Variants in ADAMTSL1 observed in about 807,000 individuals in gnomAD.
ADAMTSL1 encodes ADAMTS-like protein 1.
ADAMTSL1 carries 126 observed loss-of-function variants against 201.8 expected under a neutral mutation model. The observed-to-expected ratio is 0.62, with a 90% CI of 0.54 to 0.72. The LOEUF is 0.72. ADAMTSL1 is among the 30% of genes least tolerant of loss of function. The pLI is 0.00. For missense variants in ADAMTSL1, 2,679 were observed against 2,277.8 expected (o/e 1.18, Z -3.59); for synonymous variants, 1,121 against 903.4 (o/e 1.24, Z -4.32).
intron 15 of ADAMTSL1, among the ~76,000 whole-genome samples, chr9:18,742,329 T>C (rs948683250): frequency 1.3e-5 from 2 of 152,228 alleles, no homozygotes; most frequent in African/African-American, 2.4e-5. Context: ...TATAGCCTGA[T>C]TGGATGAATG....
At chr9:18,574,822 A>C (rs530170077) in intron 4 of ADAMTSL1, among the ~76,000 whole-genome samples, 1 of 152,194 alleles carries the variant, frequency 6.6e-6, no homozygotes, top group East Asian at 1.9e-4. Flanking sequence ...CAGGATTACA[A>C]AAAGGTTTGA....
At chr9:18,144,457 C>T (rs367694036) in intron 1 of ADAMTSL1, among the ~76,000 whole-genome samples, 7 of 152,180 alleles carry the variant, frequency 4.6e-5, no homozygotes, top group Admixed American at 6.5e-5. Context: ...CCTCCCTCCT[C>T]GCCCTTCCAA....
chr9:18,832,354 G>A (rs189383431), intron 23 of ADAMTSL1, among the ~76,000 whole-genome samples: 1 of 152,200 alleles, frequency 6.6e-6, no homozygotes, highest in African/African-American at 2.4e-5. Flanking sequence ...TGGAGAGGAG[G>A]TTTTGTGTAG....
chr9:17,961,553 T>C (rs1209227100), intron 1 of ADAMTSL1, among the ~76,000 whole-genome samples: 1 of 152,162 alleles, frequency 6.6e-6, no homozygotes, highest in Non-Finnish European at 1.5e-5. Context: ...ACCAGGCCTA[T>C]TTTTAAGAGA....
chr9:18,058,806 C>A (rs1036597855), intron 1 of ADAMTSL1, among the ~76,000 whole-genome samples: 6 of 152,116 alleles, frequency 3.9e-5, no homozygotes, highest in South Asian at 2.1e-4. Context: ...GGATGTTTGC[C>A]TCTCATAAAT....
intron 2 of ADAMTSL1, among the ~76,000 whole-genome samples, chr9:18,468,298 C>T (rs1460942471): frequency 6.6e-6 from 1 of 152,174 alleles, no homozygotes; most frequent in Admixed American, 6.5e-5. Context: ...CAGTTCAATG[C>T]TCTGCAATGA....
chr9:18,132,703 CT>C (rs745894412), intron 1 of ADAMTSL1, among the ~76,000 whole-genome samples: 8 of 152,192 alleles, frequency 5.3e-5, no homozygotes, highest in Non-Finnish European at 8.8e-5. Flanking sequence ...CCATTGTACC[CT>C]TTTTCCCCCC....
At chr9:18,802,674 G>T (rs556686033) in intron 20 of ADAMTSL1, among the ~76,000 whole-genome samples, 2 of 152,120 alleles carry the variant, frequency 1.3e-5, no homozygotes, top group African/African-American at 4.8e-5. Context: ...GAAGATTCAC[G>T]TACATGTTTT....
intron 2 of ADAMTSL1, among the ~76,000 whole-genome samples, chr9:18,525,282 G>C (rs926837105): frequency 3.9e-5 from 6 of 152,118 alleles, no homozygotes; most frequent in African/African-American, 1.4e-4. Context: ...GGGATCAGTG[G>C]TGATATCCCC....
chr9:18,665,248 A>G (rs1829359276), intron 9 of ADAMTSL1, among the ~76,000 whole-genome samples: 2 of 152,116 alleles, frequency 1.3e-5, no homozygotes, highest in African/African-American at 4.8e-5. Context: ...AATCCCTGAT[A>G]TCCACTTTTT....
chr9:18,220,440 A>T (rs1281462603), intron 2 of ADAMTSL1, among the ~76,000 whole-genome samples: 1 of 152,114 alleles, frequency 6.6e-6, no homozygotes, highest in African/African-American at 2.4e-5. Context: ...TAGCTATACA[A>T]ACTTTTTATT....
At chr9:18,223,799 T>G (rs1830346452) in intron 2 of ADAMTSL1, among the ~76,000 whole-genome samples, 1 of 152,022 alleles carries the variant, frequency 6.6e-6, no homozygotes, top group Non-Finnish European at 1.5e-5. Flanking sequence ...TGTTTCTTTA[T>G]GGGACCAGTG....
intron 2 of ADAMTSL1, among the ~76,000 whole-genome samples, chr9:18,170,658 G>T (rs1827848695): frequency 1.3e-5 from 2 of 151,972 alleles, no homozygotes; most frequent in Admixed American, 1.3e-4. Context: ...AGAGGAAAGA[G>T]AAAGAAAAAG....
chr9:18,498,107 G>A (rs1464527126), intron 1 of ADAMTSL1, among the ~76,000 whole-genome samples: 1 of 151,798 alleles, frequency 6.6e-6, no homozygotes, highest in African/African-American at 2.4e-5. Flanking sequence ...GAAAAGGAAA[G>A]AAAGGTCAAA....
chr9:18,645,623 C>A (rs371101564), intron 7 of ADAMTSL1, among the ~76,000 whole-genome samples: 4 of 151,748 alleles, frequency 2.6e-5, no homozygotes, highest in Non-Finnish European at 5.9e-5. Context: ...CCAGTTTTCC[C>A]AGCACCATTT....
chr9:18,399,280 CATATATATATATATATATATAT>C (rs561622408), intron 2 of ADAMTSL1, among the ~76,000 whole-genome samples: 1,743 of 31,038 alleles, frequency 0.056, 165 homozygotes, highest in African/African-American at 0.16. Flanking sequence ...GTCTGCTTTA[CATATATATATATATATATATAT>C]ATATATATAT....
In ADAMTSL1 at chr9:18,777,485, T is replaced by G. The variant is rs1821117688; in HGVS notation, c.3256T>G (p.Ser1086Ala). Residue 1086 changes from serine to alanine, a missense_variant, in exon 19 of 29, where the codon TCC (serine) becomes GCC (alanine). Ser to Ala is a moderately conservative substitution (Grantham distance 99). Coordinates refer to ENST00000380548, the MANE Select transcript of ADAMTSL1 (RefSeq NM_001040272.6). ...CCTGGACGACATCCTGGGGAACCTCTCCCAGCAGCCCGAGGAGCTGCGCGA... is the reference window on the plus strand; with the variant it reads ...CCTGGACGACATCCTGGGGAACCTCGCCCAGCAGCCCGAGGAGCTGCGCGA... ...RRLDDILGNL[S>A]QQPEELRDLY... 1.3e-6 allele frequency: 2 copies of G among 1,594,096 alleles called. No individual in the cohort carries two copies. The highest frequency in any genetic ancestry group is 3.5e-5 in the Admixed American group (2 of 57,232).
chr9:17,973,535 G>C (rs185581218), intron 1 of ADAMTSL1, among the ~76,000 whole-genome samples: 32,388 of 88,568 alleles, frequency 0.37, 7,571 homozygotes, highest in East Asian at 0.86. Context: ...TCTCTGTTTT[G>C]GTACCAGTAC....
chr9:18,867,166 A>G (rs564268202), intron 23 of ADAMTSL1, among the ~76,000 whole-genome samples: 1 of 152,266 alleles, frequency 6.6e-6, no homozygotes, highest in Admixed American at 6.5e-5. Flanking sequence ...ATTCTGCCAC[A>G]CACAGCAACC....
Sources: allele counts gnomAD v4.1 joint callset (sites outside exome capture counted in the v4.1 genomes callset), GRCh38; gene constraint gnomAD v4.1.1; transcripts MANE v1.5; gene names NCBI Gene and HGNC (gene_info 2026-07-23, HGNC 2026-07-21).